Variants in CPEB3 observed in about 807,000 individuals in gnomAD.
The protein encoded by CPEB3 is cytoplasmic polyadenylation element binding protein 3, also known as cytoplasmic polyadenylation element-binding protein 3.
CPEB3 carries 20 observed loss-of-function variants against 67.2 expected under a neutral mutation model. The ratio of observed to expected loss-of-function variants is 0.30; its 90% CI spans 0.21 to 0.43. CPEB3 has a LOEUF of 0.43. Among genes scored for constraint, CPEB3 ranks in the 20% least tolerant of loss-of-function variants. The pLI is 1.00. For missense variants in CPEB3, 746 were observed against 968.6 expected (o/e 0.77, Z 3.05); for synonymous variants, 376 against 393.1 (o/e 0.96, Z 0.51).
rs1474805696 is a variant in CPEB3 at position 92,226,847 on chromosome 10, G to T, written c.1005+12499C>A. Among the ~76,000 whole-genome samples, 6 of 151,936 alleles carry T rather than the reference G, an allele frequency of 3.9e-5. No homozygotes were observed. The South Asian group carries it at 6.2e-4, about 16-fold the overall frequency. On this transcript the variant is annotated intron_variant, in intron 2 of 9. Transcript: ENST00000265997. ...CCAGGAGCTGGGAGAAGGGGCCTGT[G>T]GGGGTGGGGGCCTGGAAGGAGGGGA...
At chr10:92,100,751 C>T (rs923846706) in intron 7 of CPEB3, among the ~76,000 whole-genome samples, 1 of 152,150 alleles carries the variant, frequency 6.6e-6, no homozygotes, top group South Asian at 2.1e-4. Context: ...GCCACCACGC[C>T]CAGCTAATTT....
At chr10:92,246,476 T>TA (rs1852073739) in intron 1 of CPEB3, among the ~76,000 whole-genome samples, 1 of 151,910 alleles carries the variant, frequency 6.6e-6, no homozygotes, top group African/African-American at 2.4e-5. Context: ...CTTTAAGAAA[T>TA]AGATTTTTTA....
intron 1 of CPEB3, among the ~76,000 whole-genome samples, chr10:92,247,903 G>T (rs1173622137): frequency 6.6e-6 from 1 of 151,724 alleles, no homozygotes; most frequent in Non-Finnish European, 1.5e-5. Flanking sequence ...TTTTGTTTTT[G>T]TTTTTCTTTG....
chr10:92,234,151 A>G (rs887530797), intron 2 of CPEB3, among the ~76,000 whole-genome samples: 1 of 151,794 alleles, frequency 6.6e-6, no homozygotes, highest in Non-Finnish European at 1.5e-5. Context: ...AGAGATACAG[A>G]CAGAAAGTAT....
intron 1 of CPEB3, among the ~76,000 whole-genome samples, chr10:92,266,891 G>A (rs563276636): frequency 8.5e-5 from 13 of 152,128 alleles, no homozygotes; most frequent in East Asian, 3.9e-4. Flanking sequence ...AAAATTAGCC[G>A]GGCGTGGTGG....
At chr10:92,175,143 A>C (rs527416499) in intron 4 of CPEB3, among the ~76,000 whole-genome samples, 11 of 151,870 alleles carry the variant, frequency 7.2e-5, no homozygotes, top group Non-Finnish European at 1.6e-4. Flanking sequence ...AAAAAAGAAG[A>C]CAATGTTACT....
chr10:92,072,703 A>T (rs1842794452), intron 9 of CPEB3, among the ~76,000 whole-genome samples: 1 of 152,192 alleles, frequency 6.6e-6, no homozygotes, highest in Non-Finnish European at 1.5e-5. Context: ...CAACTACAGC[A>T]ATGGTTCTCT....
At chr10:92,080,329 G>C (rs1843097815) in intron 9 of CPEB3, among the ~76,000 whole-genome samples, 1 of 152,104 alleles carries the variant, frequency 6.6e-6, no homozygotes, top group Admixed American at 6.6e-5. Flanking sequence ...GGCAAAGCTG[G>C]GATTCAAGGA....
At chr10:92,256,783 G>T (rs1023996954) in intron 1 of CPEB3, among the ~76,000 whole-genome samples, 1 of 152,174 alleles carries the variant, frequency 6.6e-6, no homozygotes, top group African/African-American at 2.4e-5. Flanking sequence ...CAGAATTGCT[G>T]ATTCCTTCCT....
chr10:92,238,953 A>G (rs779332296), intron 2 of CPEB3, among the ~76,000 whole-genome samples: 8 of 152,202 alleles, frequency 5.3e-5, no homozygotes, highest in Non-Finnish European at 8.8e-5. Context: ...TCAGGATTGC[A>G]TAACCTGAAA....
intron 4 of CPEB3, among the ~76,000 whole-genome samples, chr10:92,162,637 A>G (rs967799856): frequency 6.6e-6 from 1 of 152,222 alleles, no homozygotes. Flanking sequence ...TACAAGAATT[A>G]TTCCAAAAGT....
chr10:92,084,420 AG>A (rs1417369183), intron 8 of CPEB3, among the ~76,000 whole-genome samples: 1 of 152,172 alleles, frequency 6.6e-6, no homozygotes, highest in African/African-American at 2.4e-5. Context: ...GCCACCAAAA[AG>A]TCTGCAGACA....
intron 2 of CPEB3, among the ~76,000 whole-genome samples, chr10:92,226,150 T>TC (rs775109563): frequency 3.6e-4 from 55 of 152,202 alleles, no homozygotes; most frequent in Non-Finnish European, 6.5e-4. Flanking sequence ...CTGTGTTTTT[T>TC]CCCTCTCAAG....
At chr10:92,095,166 C>A (rs571599746) in intron 7 of CPEB3, among the ~76,000 whole-genome samples, 1 of 152,234 alleles carries the variant, frequency 6.6e-6, no homozygotes, top group East Asian at 1.9e-4. Flanking sequence ...CACTCCCCAA[C>A]CCCCGATCTC....
chr10:92,104,123 T>C (rs565000068), intron 7 of CPEB3, among the ~76,000 whole-genome samples: 2 of 151,318 alleles, frequency 1.3e-5, no homozygotes, highest in South Asian at 4.2e-4. Context: ...TATATCAATG[T>C]TTCTCAAATG....
At chr10:92,132,261 G>A (rs185057055) in intron 6 of CPEB3, among the ~76,000 whole-genome samples, 77 of 152,154 alleles carry the variant, frequency 5.1e-4, no homozygotes, top group Non-Finnish European at 7.4e-4. Flanking sequence ...AACGCAAATC[G>A]ATGAGGAAAA....
intron 1 of CPEB3, among the ~76,000 whole-genome samples, chr10:92,261,438 T>C (rs77526576): frequency 0.22 from 33,731 of 150,726 alleles, 4,706 homozygotes; most frequent in Middle Eastern, 0.33. Context: ...TCCCTTTTTC[T>C]GTTTTGTTTT....
At position 92,051,356 on chromosome 10, in the gene CPEB3, G is replaced by C. The variant is rs1019215946; in HGVS notation, c.*856C>G. Reference sequence around the variant, plus strand: ...ACCTGATTAAGTAAACATGCAGTCAGAAATAGTGACCTTCCACCGAAGCTT... The same window carrying C: ...ACCTGATTAAGTAAACATGCAGTCACAAATAGTGACCTTCCACCGAAGCTT... On this transcript the variant is annotated 3_prime_UTR_variant, in exon 10 of 10. Transcript: ENST00000265997. The C allele has an allele frequency of 6.6e-6, 1 of 152,628 alleles. No individual in the cohort carries two copies. Among genetic ancestry groups the C allele is most frequent in the African/African-American group, 2.4e-5 (1 of 41,452 alleles). The allele number at this position is 152,628 out of a possible 1,614,324, so 9.5% of individuals were successfully genotyped here. A position where few individuals can be genotyped will look rare whatever the true frequency, so the allele number is the denominator to read the frequency against.
chr10:92,147,971 C>T (rs1011281917), intron 4 of CPEB3, among the ~76,000 whole-genome samples: 11 of 152,120 alleles, frequency 7.2e-5, no homozygotes, highest in African/African-American at 2.2e-4. Context: ...TTATACTCCA[C>T]GTCAAATCCA....
Sources: allele counts gnomAD v4.1 joint callset (sites outside exome capture counted in the v4.1 genomes callset), GRCh38; gene constraint gnomAD v4.1.1; transcripts MANE v1.5; gene names NCBI Gene and HGNC (gene_info 2026-07-23, HGNC 2026-07-21).